The following GLB1L3 variants were observed in gnomAD, a reference collection of about 807,000 sequenced individuals.
GLB1L3 encodes the protein beta-galactosidase-1-like protein 3.
In GLB1L3, 89 loss-of-function variants were observed where a neutral mutation model predicts 89.5. The ratio of observed to expected loss-of-function variants is 0.99; its 90% CI spans 0.84 to 1.19. GLB1L3 has a LOEUF of 1.19. GLB1L3 is among the 50% of genes most tolerant of loss of function. GLB1L3 has a pLI of 0.00. For missense variants in GLB1L3, 812 were observed against 813.3 expected (o/e 1.00, Z 0.02); for synonymous variants, 314 against 312.3 (o/e 1.01, Z -0.06).
At chr11:134,287,502 C>T (rs1237617783) in intron 6 of GLB1L3, among the ~76,000 whole-genome samples, 1 of 152,122 alleles carries the variant, frequency 6.6e-6, no homozygotes, top group African/African-American at 2.4e-5. Flanking sequence ...TATTCTTATC[C>T]TGTTTATTTC....
intron 14 of GLB1L3, 67 bp downstream of exon 14, chr11:134,312,556 A>T: frequency 1.3e-6 from 2 of 1,565,110 alleles, no homozygotes; most frequent in Non-Finnish European, 1.7e-6. Context: ...CGGGCAGGGT[A>T]GTTGACTGAA....
downstream of GLB1L3, among the ~76,000 whole-genome samples, chr11:134,321,145 C>T (rs1376474999): frequency 6.6e-6 from 1 of 152,190 alleles, no homozygotes; most frequent in Non-Finnish European, 1.5e-5. Flanking sequence ...CTTGAGGTAG[C>T]ATCAGCATAA....
upstream of GLB1L3, chr11:134,275,896 G>C (rs185071715): frequency 6.6e-6 from 1 of 152,226 alleles, no homozygotes; most frequent in African/African-American, 2.4e-5. Context: ...TTACCACCAC[G>C]AGCGCCTACC....
At chr11:134,297,899 AT>A (rs1458279659) in intron 9 of GLB1L3, among the ~76,000 whole-genome samples, 11 of 150,040 alleles carry the variant, frequency 7.3e-5, no homozygotes, top group Admixed American at 5.3e-4. Context: ...AGAGAAAAAA[AT>A]ATATATATAT....
At chr11:134,312,268 G>A in intron 13 of GLB1L3, 81 bp from the exon 14 acceptor site, 1 of 1,502,828 alleles carries the variant, frequency 6.7e-7, no homozygotes, top group East Asian at 2.3e-5. Flanking sequence ...CCATTAGGCA[G>A]GACCAAATGA....
intron 8 of GLB1L3, 64 bp from the exon 9 acceptor site, chr11:134,293,081 T>TG: frequency 7.1e-7 from 1 of 1,405,326 alleles, no homozygotes; most frequent in South Asian, 1.2e-5. Context: ...CGGGGGCGCA[T>TG]TCCTTCCCTT....
intron 7 of GLB1L3, 149 bp downstream of exon 7, chr11:134,289,039 C>T (rs1941187614): frequency 1.8e-6 from 1 of 562,008 alleles, no homozygotes; most frequent in African/African-American, 1.9e-5. Context: ...GGTGCCGGCC[C>T]ACTGCATAGC....
intron 9 of GLB1L3, among the ~76,000 whole-genome samples, chr11:134,296,862 T>TAATAAA (rs1555076987): frequency 0.011 from 1,445 of 131,764 alleles, 23 homozygotes; most frequent in African/African-American, 0.037. Flanking sequence ...ATAATAATAA[T>TAATAAA]AAAAACAAAC....
intron 9 of GLB1L3, among the ~76,000 whole-genome samples, chr11:134,304,254 T>G (rs1274134219): frequency 6.6e-6 from 1 of 152,206 alleles, no homozygotes; most frequent in Admixed American, 6.5e-5. Context: ...TCTTCTGATT[T>G]ATTTTCATAT....
chr11:134,286,670 G>A (rs920104435), intron 6 of GLB1L3, among the ~76,000 whole-genome samples: 1 of 151,074 alleles, frequency 6.6e-6, no homozygotes. Context: ...CCAGCTACTC[G>A]GGAGGCTGAG....
chr11:134,291,329 C>T (rs1008425781), intron 7 of GLB1L3, among the ~76,000 whole-genome samples: 5 of 150,006 alleles, frequency 3.3e-5, no homozygotes, highest in South Asian at 2.1e-4. Context: ...GGCGTGATCT[C>T]GGTTCATTGC....
chr11:134,291,261 T>G (rs1267384757), intron 7 of GLB1L3, among the ~76,000 whole-genome samples: 2 of 149,030 alleles, frequency 1.3e-5, no homozygotes, highest in African/African-American at 5.0e-5. Flanking sequence ...CCTATGCACA[T>G]CCTCCCATAT....
intron 5 of GLB1L3, 80 bp downstream of exon 5, chr11:134,282,200 AG>A (rs1940733463): frequency 6.9e-7 from 1 of 1,439,766 alleles, no homozygotes; most frequent in African/African-American, 1.4e-5. Context: ...GCTAGTAACA[AG>A]GAAAGTAACC....
At chr11:134,312,324 C>G in intron 13 of GLB1L3, 25 bp from the exon 14 acceptor site, 1 of 1,611,388 alleles carries the variant, frequency 6.2e-7, no homozygotes, top group Non-Finnish European at 8.5e-7. Context: ...CCTTGGACTT[C>G]TGCTCTTGCC....
chr11:134,308,550 T>TCAC (rs1400157023), intron 10 of GLB1L3, among the ~76,000 whole-genome samples: 313 of 16,830 alleles, frequency 0.019, 29 homozygotes, highest in Middle Eastern at 0.079. Flanking sequence ...ACCATCACCA[T>TCAC]CACCATCACC....
At chr11:134,323,198 A>G (rs1044816921), downstream of GLB1L3, among the ~76,000 whole-genome samples, 1 of 152,186 alleles carries the variant, frequency 6.6e-6, no homozygotes, top group African/African-American at 2.4e-5. Context: ...CAAACATGTA[A>G]CAATGAAGTC....
At chr11:134,308,281 CA>C (rs1442801158) in intron 10 of GLB1L3, among the ~76,000 whole-genome samples, 1 of 32,312 alleles carries the variant, frequency 3.1e-5, no homozygotes, top group East Asian at 8.7e-4. Flanking sequence ...CCACCACCAC[CA>C]AATACCACCA....
intron 7 of GLB1L3, among the ~76,000 whole-genome samples, chr11:134,290,188 C>A (rs975653314): frequency 6.7e-6 from 1 of 148,454 alleles, no homozygotes; most frequent in Non-Finnish European, 1.5e-5. Context: ...ATTATTTAAT[C>A]GGTTGTATTC....
intron 6 of GLB1L3, among the ~76,000 whole-genome samples, chr11:134,285,083 C>G (rs1051321546): frequency 3.3e-5 from 5 of 152,016 alleles, no homozygotes; most frequent in African/African-American, 1.2e-4. Flanking sequence ...TGCCCACCAC[C>G]ATGCCCGGCT....
Sources: allele counts gnomAD v4.1 joint callset (sites outside exome capture counted in the v4.1 genomes callset), GRCh38; gene constraint gnomAD v4.1.1; transcripts MANE v1.5; gene names NCBI Gene and HGNC (gene_info 2026-07-23, HGNC 2026-07-21).